BTD: variants seen among roughly 807,000 people sequenced by gnomAD.
The protein encoded by BTD is biocytinase.
BTD carries 13 observed loss-of-function variants against 17.7 expected under a neutral mutation model. That is an observed-to-expected ratio of 0.74 (90% CI 0.48 to 1.17). The LOEUF (loss-of-function observed/expected upper bound fraction) is 1.17. Among genes scored for constraint, BTD ranks in the 50% most tolerant of loss-of-function variants. BTD has a pLI of 0.00. For synonymous variants in BTD, 240 were observed against 245.2 expected, an observed-to-expected ratio of 0.98 and a Z score of 0.20; for missense variants, 674 against 650.4, an observed-to-expected ratio of 1.04 and a Z score of -0.39.
intron 1 of BTD, among the ~76,000 whole-genome samples, chr3:15,616,844 G>A (rs1014093378): frequency 6.6e-6 from 1 of 151,744 alleles, no homozygotes; most frequent in Non-Finnish European, 1.5e-5. Context: ...TTTTATTTAT[G>A]TATTTTTTTT....
chr3:15,678,482 C>T lies in BTD; in HGVS notation c.400-31578C>T, dbSNP rs144780656. On this transcript the variant is annotated intron_variant, in intron 3 of 3. Transcript: ENST00000672141. ...TTAGGCTACAAAAGCACTGCCTGTA[C>T]ACAAACAAATAGGCTCAATGGAGCT... is the stretch of plus-strand genomic sequence containing the variant. The T allele has an allele frequency of 8.2e-3, 6,336 of 771,100 alleles. 34 individuals carry two copies. The highest frequency in any genetic ancestry group is 9.6e-3 in the Non-Finnish European group (5,008 of 523,126). 47.8% of individuals were successfully genotyped at this position (771,100 alleles called of 1,614,324 possible).
intron 2 of BTD, among the ~76,000 whole-genome samples, chr3:15,639,002 A>T (rs1269389271): frequency 6.6e-6 from 1 of 152,210 alleles, no homozygotes; most frequent in African/African-American, 2.4e-5. Context: ...CTGTCTCAGT[A>T]GGGGCATTCA....
At chr3:15,640,792 T>C (rs2065478706) in intron 2 of BTD, among the ~76,000 whole-genome samples, 1 of 152,212 alleles carries the variant, frequency 6.6e-6, no homozygotes, top group Non-Finnish European at 1.5e-5. Flanking sequence ...AGAGAAAAAG[T>C]AATGAAAATA....
At chr3:15,684,544 T>C (rs1473893737) in intron 3 of BTD, 1 of 152,212 alleles carries the variant, frequency 6.6e-6, no homozygotes, top group Non-Finnish European at 1.5e-5. Context: ...ATCTCACTGT[T>C]TCTCCTACTT....
At position 15,631,286 on chromosome 3, in the gene BTD, A is replaced by C. The variant is rs2065197382; in HGVS notation, c.-16-4138A>C. On this transcript the variant is annotated intron_variant, in intron 1 of 3. Coordinates refer to ENST00000643237, the MANE Select transcript of BTD (RefSeq NM_001370658.1). ...CTCCTTTCCTAATCATAGGATTGCTATTCTCCCTGACAAGTAAAGAATGAC... is the reference window on the plus strand; with the variant it reads ...CTCCTTTCCTAATCATAGGATTGCTCTTCTCCCTGACAAGTAAAGAATGAC... The C allele has an allele frequency of 4.9e-5, 33 of 670,832 alleles. 1 individual carries two copies. The South Asian group carries it at 6.8e-4, about 14-fold the overall frequency. 41.6% of individuals were successfully genotyped at this position (670,832 alleles called of 1,614,324 possible). A position where few individuals can be genotyped will look rare whatever the true frequency, so the allele number is the denominator to read the frequency against.
At chr3:15,624,945 CTGGT>C (rs2065032598) in intron 1 of BTD, among the ~76,000 whole-genome samples, 1 of 152,178 alleles carries the variant, frequency 6.6e-6, no homozygotes, top group Non-Finnish European at 1.5e-5. Context: ...GTTGGCCAGG[CTGGT>C]CTTGAACTCC....
At chr3:15,630,527 A>G (rs1268795535) in intron 1 of BTD, among the ~76,000 whole-genome samples, 1 of 152,272 alleles carries the variant, frequency 6.6e-6, no homozygotes, top group Non-Finnish European at 1.5e-5. Flanking sequence ...AAAGAAAGAT[A>G]TAACGTGTTT....
intron 3 of BTD, among the ~76,000 whole-genome samples, chr3:15,702,797 G>A (rs2070797457): frequency 6.6e-6 from 1 of 151,932 alleles, no homozygotes; most frequent in Admixed American, 6.6e-5. Flanking sequence ...TCCCATCATG[G>A]CATACAACAG....
chr3:15,605,073 T>G (rs62243586), intron 1 of BTD, among the ~76,000 whole-genome samples: 3,021 of 152,330 alleles, frequency 0.02, 61 homozygotes, highest in Non-Finnish European at 0.031. Context: ...TTCCACAGTT[T>G]CGGCTGTCTT....
chr3:15,652,447 G>T lies in BTD; in HGVS notation c.*6959G>T, dbSNP rs2065819970. Among the ~76,000 whole-genome samples the T allele has an allele frequency of 6.6e-6, 1 of 152,174 alleles. No individual in the cohort carries two copies. Among genetic ancestry groups the T allele is most frequent in the Admixed American group, 6.5e-5 (1 of 15,282 alleles). On this transcript the variant is annotated 3_prime_UTR_variant, in exon 4 of 4. Transcript: ENST00000643237. ...CCTATGGACAGACCCATTTGGCAAG[G>T]AACAGCCACCAGCTAGCTGCATGAG...
chr3:15,673,456 A>G (rs908786856), intron 3 of BTD, among the ~76,000 whole-genome samples: 1 of 152,242 alleles, frequency 6.6e-6, no homozygotes, highest in Non-Finnish European at 1.5e-5. Flanking sequence ...TGCAACTGAC[A>G]AAGATTTCAC....
chr3:15,624,191 A>AT (rs1351877496), intron 1 of BTD, among the ~76,000 whole-genome samples: 1 of 151,604 alleles, frequency 6.6e-6, no homozygotes, highest in Non-Finnish European at 1.5e-5. Flanking sequence ...CTACATGTAG[A>AT]TTTTTTTATT....
At position 15,698,381 on chromosome 3, in the gene BTD, T is replaced by G. The variant is rs576643703; in HGVS notation, c.400-11679T>G. On this transcript the variant is annotated intron_variant, in intron 3 of 3. Transcript: ENST00000672141. The stretch of plus-strand genomic sequence containing the variant: ...TCCTATTCAACATAGTGTTGGAAGT[T>G]CTGGCTAGGGCAATCAGGCAAGAGA... Among the ~76,000 whole-genome samples the G allele has an allele frequency of 2.0e-5, 3 of 152,298 alleles. No homozygotes were observed. In the South Asian group the frequency reaches 6.2e-4, roughly 32 times the overall value.
At chr3:15,677,643 G>T in intron 3 of BTD, 1 of 1,056,562 alleles carries the variant, frequency 9.5e-7, no homozygotes, top group Non-Finnish European at 1.4e-6. Context: ...GAGAAATGAA[G>T]ATACAAAGCA....
At chr3:15,670,860 G>A (rs1196900861) in intron 3 of BTD, among the ~76,000 whole-genome samples, 2 of 152,106 alleles carry the variant, frequency 1.3e-5, no homozygotes, top group Admixed American at 1.3e-4. Context: ...AACTGGGCTA[G>A]AATAAGAAAA....
chr3:15,692,681 G>A (rs2068966309), intron 3 of BTD, among the ~76,000 whole-genome samples: 1 of 152,168 alleles, frequency 6.6e-6, no homozygotes, highest in Admixed American at 6.5e-5. Context: ...TTTCGTGTAA[G>A]AAATTAAAGT....
chr3:15,711,165 T>C, exon 4 of BTD: 2 of 1,468,544 alleles, frequency 1.4e-6, no homozygotes, highest in Non-Finnish European at 9.4e-7. Context: ...AAACCTGCCA[T>C]GACCAGCTAT....
downstream of BTD, among the ~76,000 whole-genome samples, chr3:15,716,894 T>C (rs1315193450): frequency 6.6e-6 from 1 of 152,124 alleles, no homozygotes; most frequent in African/African-American, 2.4e-5. Flanking sequence ...CTCAGGAGTT[T>C]GAGGCTGAAG....
At chr3:15,602,271 C>T in intron 1 of BTD, 1 of 1,229,838 alleles carries the variant, frequency 8.1e-7, no homozygotes, top group Non-Finnish European at 1.0e-6. Flanking sequence ...ACCCACTATT[C>T]AGCCATTGGG....
Sources: allele counts gnomAD v4.1 joint callset (sites outside exome capture counted in the v4.1 genomes callset), GRCh38; gene constraint gnomAD v4.1.1; transcripts MANE v1.5; gene names NCBI Gene and HGNC (gene_info 2026-07-23, HGNC 2026-07-21).